The following AKR1C1 variants were observed in gnomAD, a reference collection of about 807,000 sequenced individuals.
The protein encoded by AKR1C1 is 20 alpha-hydroxysteroid dehydrogenase.
In AKR1C1, 32 loss-of-function variants were observed where a neutral mutation model predicts 40.6. The ratio of observed to expected loss-of-function variants is 0.79; its 90% CI spans 0.60 to 1.06. The LOEUF is 1.06. AKR1C1 is among the 50% of genes least tolerant of loss of function. The probability of loss-of-function intolerance (pLI) is 0.00; values close to 1 mark genes in which losing one functional copy is unlikely to be tolerated. For synonymous variants in AKR1C1, 105 were observed against 134.2 expected (o/e 0.78, Z 1.50); for missense variants, 320 against 363.5 (o/e 0.88, Z 0.97).
Position 4,978,369 on chromosome 10 carries a change from G to C in AKR1C1, c.*627G>C, listed in dbSNP as rs564651593. 106 of 150,932 alleles carry C rather than the reference G, an allele frequency of 7.0e-4. No individual in the cohort carries two copies. The highest frequency in any genetic ancestry group is 2.4e-3 in the African/African-American group (99 of 40,790). The allele number at this position is 150,932 out of a possible 1,614,324, so 9.3% of individuals were successfully genotyped here. On this transcript the variant is annotated 3_prime_UTR_variant, in exon 9 of 9. Transcript: ENST00000380872. ...AGGTATGGGAAGGCTAAATAGGACA[G>C]AGTCGAGTACATCTCTGCTTGGAAA... is the stretch of plus-strand genomic sequence containing the variant.
chr10:4,971,000 C>A (rs1257607544), intron 5 of AKR1C1, among the ~76,000 whole-genome samples: 1 of 151,792 alleles, frequency 6.6e-6, no homozygotes, highest in Non-Finnish European at 1.5e-5. Context: ...GTGGTCAGAT[C>A]TGTTGTTTTT....
At chr10:4,972,336 C>T in intron 6 of AKR1C1, 26 bp downstream of exon 6, 2 of 1,587,642 alleles carry the variant, frequency 1.3e-6, no homozygotes, top group South Asian at 2.2e-5. Context: ...GGAAGTTTAC[C>T]TAAAACACCG....
chr10:4,977,748 A>G lies in AKR1C1; in HGVS notation c.*6A>G, dbSNP rs1554770644. On this transcript the variant is annotated 3_prime_UTR_variant, in exon 9 of 9. Coordinates refer to ENST00000380872, the MANE Select transcript of AKR1C1 (RefSeq NM_001353.6). ...CATTTTCTGATGAATATTAACATGG[A>G]GGGCATTGCATGAGGTCTGCCAGAA... The G allele has an allele frequency of 6.2e-7, 1 of 1,611,254 alleles. No homozygotes were observed. The highest frequency in any genetic ancestry group is 1.3e-5 in the African/African-American group (1 of 74,556).
At chr10:4,969,857 A>G in intron 5 of AKR1C1, 1 of 935,868 alleles carries the variant, frequency 1.1e-6, no homozygotes, top group South Asian at 1.6e-5. Context: ...GTGAAGATCT[A>G]CAGTGGAAAT....
chr10:4,964,648 C>G (rs1215487110), intron 1 of AKR1C1, among the ~76,000 whole-genome samples: 1 of 152,166 alleles, frequency 6.6e-6, no homozygotes, highest in Non-Finnish European at 1.5e-5. Flanking sequence ...TTACGTAAGT[C>G]AATAATTGTA....
intron 6 of AKR1C1, 107 bp downstream of exon 6, chr10:4,972,417 G>T: frequency 1.4e-6 from 2 of 1,392,112 alleles, no homozygotes; most frequent in Non-Finnish European, 2.0e-6. Context: ...TGGGGTGAGG[G>T]AAGAATTTGC....
intron 7 of AKR1C1, among the ~76,000 whole-genome samples, chr10:4,974,167 A>G (rs1386176695): frequency 6.6e-6 from 1 of 151,694 alleles, no homozygotes; most frequent in Admixed American, 6.6e-5. Context: ...ACAAAACTAA[A>G]AGGAAATATT....
chr10:4,972,740 G>C lies in AKR1C1; in HGVS notation c.837G>C (p.Gln279His), dbSNP rs1709369586. 6.2e-7 allele frequency: 1 copy of C among 1,612,166 alleles called. No individual in the cohort carries two copies. Among genetic ancestry groups the C allele is most frequent in the Non-Finnish European group, 8.5e-7 (1 of 1,179,916 alleles). Residue 279 changes from glutamine to histidine, a missense_variant, in exon 7 of 9, where the codon CAG (glutamine) becomes CAC (histidine). By Grantham distance (24) the Gln-to-His change is conservative. Around this residue, in one of 3 missense-constraint regions of AKR1C1, gnomAD observed 77 missense variants for 125.3 expected, o/e 0.61. Coordinates refer to ENST00000380872, the MANE Select transcript of AKR1C1 (RefSeq NM_001353.6). ...AKSYNEQRIRQNVQVFEFQLT... is the reference protein window; with the variant it reads ...AKSYNEQRIRHNVQVFEFQLT... ...GCTACAATGAGCAGCGCATCAGACAGAACGTGCAGGTGAGGAGCGGGGCTG... is the reference window on the plus strand; with the variant it reads ...GCTACAATGAGCAGCGCATCAGACACAACGTGCAGGTGAGGAGCGGGGCTG...
Position 4,976,854 on chromosome 10 carries a change from T to G in AKR1C1, c.930-846T>G, listed in dbSNP as rs181245648. ...ATTTGGTGGATATTATTAGTAGTAT[T>G]TTATTCATTTAGAGGAAAATACAAA... On this transcript the variant is annotated intron_variant, in intron 8 of 8. Transcript: ENST00000380872. Among the ~76,000 whole-genome samples the G allele has an allele frequency of 6.6e-5, 10 of 152,328 alleles. No homozygotes were observed. In the East Asian group the frequency reaches 1.7e-3, roughly 26 times the overall value.
At position 4,977,001 on chromosome 10, in the gene AKR1C1, T is replaced by C. The variant is rs190841107; in HGVS notation, c.930-699T>C. On this transcript the variant is annotated intron_variant, in intron 8 of 8. Transcript: ENST00000380872. ...AGTGTTATTTTGTAGAACTCAAATA[T>C]GGTCTGGAGTAAACCACTTGCGAGC... 9.8e-5 allele frequency among the ~76,000 whole-genome samples: 15 copies of C among 152,354 alleles called. No homozygotes were observed. The East Asian group carries it at 2.7e-3, about 27-fold the overall frequency.
At position 4,963,487 on chromosome 10, in the gene AKR1C1, T is replaced by C. The variant is rs1160093816; in HGVS notation, c.43T>C (p.Phe15Leu). The change falls in exon 1 of 9, where the codon TTC (phenylalanine) becomes CTC (leucine). Residue 15 changes from phenylalanine (F) to leucine (L), a missense_variant. Phe to Leu is a conservative substitution (Grantham distance 22). Transcript: ENST00000380872. The stretch of plus-strand genomic sequence containing the variant: ...GTGTGTGAAGCTGAATGATGGTCAC[T>C]TCATGCCTGTCCTGGGATTTGGCAC... ...YQCVKLNDGH[F>L]MPVLGFGTYA... 11 of 1,613,752 alleles carry C rather than the reference T, an allele frequency of 6.8e-6. No individual in the cohort carries two copies. Among genetic ancestry groups the C allele is most frequent in the Non-Finnish European group, 5.1e-6 (6 of 1,179,950 alleles).
At position 4,968,871 on chromosome 10, in the gene AKR1C1, C is replaced by A. The variant is rs746417990; in HGVS notation, c.497C>A (p.Ser166Tyr). The part of the protein sequence containing the change: ...DAGLAKSIGV[S>Y]NFNRRQLEMI... ...GGATTGGCCAAGTCCATCGGGGTGT[C>A]CAACTTCAACCGCAGGCAGCTGGAG... The change falls in exon 5 of 9, where the codon TCC (serine) becomes TAC (tyrosine). Residue 166 changes from serine (S) to tyrosine (Y), a missense_variant. Ser to Tyr is a moderately radical substitution (Grantham distance 144). Transcript: ENST00000380872. 6.2e-6 allele frequency: 10 copies of A among 1,614,158 alleles called. No homozygotes were observed. The Admixed American group carries it at 1.3e-4, about 22-fold the overall frequency.
chr10:4,969,772 T>C (rs1836395017), intron 5 of AKR1C1: 1 of 1,600,516 alleles, frequency 6.2e-7, no homozygotes, highest in Admixed American at 1.7e-5. Flanking sequence ...CATTTCAGCA[T>C]TAAAGTTACT....
Position 4,982,497 on chromosome 10 carries a change from C to G in AKR1C1, c.*4755C>G, listed in dbSNP as rs781831340. 14 of 159,528 alleles carry G rather than the reference C, an allele frequency of 8.8e-5. No homozygotes were observed. Among genetic ancestry groups the G allele is most frequent in the Admixed American group, 1.3e-4 (2 of 15,408 alleles). 9.9% of individuals were successfully genotyped at this position (159,528 alleles called of 1,614,324 possible). A position where few individuals can be genotyped will look rare whatever the true frequency, so the allele number is the denominator to read the frequency against. On this transcript the variant is annotated 3_prime_UTR_variant, in exon 9 of 9. Transcript: ENST00000380872. ...TTAAACTCTCCTCTGGAACATTACC[C>G]CAGCAGCCTGAGAACCACCCCTTGG... is the stretch of plus-strand genomic sequence containing the variant.
intron 5 of AKR1C1, chr10:4,969,898 AATG>A (rs1170311904): frequency 1.6e-6 from 1 of 608,408 alleles, no homozygotes; most frequent in African/African-American, 1.9e-5. Context: ...AATTTGGTAT[AATG>A]ATACGGTGCT....
rs535048363 is a variant in AKR1C1, at chr10:4,977,859, T to C, written c.*117T>C. 72 of 1,459,100 alleles carry C rather than the reference T, an allele frequency of 4.9e-5. No homozygotes were observed. The African/African-American group carries it at 8.3e-4, about 17-fold the overall frequency. The allele number at this position is 1,459,100 out of a possible 1,614,324, so 90.4% of individuals were successfully genotyped here. A position where few individuals can be genotyped will look rare whatever the true frequency, so the allele number is the denominator to read the frequency against. On this transcript the variant is annotated 3_prime_UTR_variant, in exon 9 of 9. Transcript: ENST00000380872. ...CTCTGGTTAAATCTCTCCTGCTTGG[T>C]GATTTCAGCAAGCTACAGCAAAGCC...
At chr10:4,976,521 A>G (rs1324501557) in intron 8 of AKR1C1, among the ~76,000 whole-genome samples, 1 of 152,312 alleles carries the variant, frequency 6.6e-6, no homozygotes, top group East Asian at 1.9e-4. Flanking sequence ...GTCTTAGTGA[A>G]GCGAATAGGA....
At chr10:4,975,014 C>A (rs1243862835) in intron 7 of AKR1C1, among the ~76,000 whole-genome samples, 5 of 152,030 alleles carry the variant, frequency 3.3e-5, no homozygotes, top group Non-Finnish European at 5.9e-5. Context: ...ATTGAGATTT[C>A]CAATGCATGA....
rs137879267 is a variant in AKR1C1, at chr10:4,976,666, T to C, written c.929+733T>C. On this transcript the variant is annotated intron_variant, in intron 8 of 8. Transcript: ENST00000380872. ...TATAACCAATAACAGAAGTTTACTA[T>C]TCCTCTGTGTTCTAAGGTTCTAGGA... is the stretch of plus-strand genomic sequence containing the variant. Among the ~76,000 whole-genome samples the C allele has an allele frequency of 7.2e-4, 109 of 152,350 alleles. No individual in the cohort carries two copies. The South Asian group carries it at 0.015, about 21-fold the overall frequency.
Sources: gnomAD v4.1 joint callset for allele counts (sites outside exome capture counted in the v4.1 genomes callset) on GRCh38, gnomAD v4.1.1 for gene constraint, gnomAD v4.1.1 regional missense constraint, MANE v1.5 for transcripts, NCBI Gene and HGNC (gene_info 2026-07-23, HGNC 2026-07-21) for gene names.